COL2A1: variants seen among roughly 807,000 people sequenced by gnomAD.
The protein encoded by COL2A1 is collagen alpha-1(II) chain.
In COL2A1, 28 loss-of-function variants were observed where a neutral mutation model predicts 204.5. The ratio of observed to expected loss-of-function variants is 0.14; its 90% confidence interval spans 0.10 to 0.19. COL2A1 has a LOEUF of 0.19. Ranked by LOEUF, COL2A1 falls within the 10% of genes least tolerant of loss-of-function variation. The probability of loss-of-function intolerance (pLI) is 1.00; values close to 1 mark genes in which losing one functional copy is unlikely to be tolerated. For synonymous variants in COL2A1, 708 were observed against 718.7 expected (o/e 0.99, Z 0.24); for missense variants, 1,388 against 2,027.5 (o/e 0.68, Z 6.06).
At chr12:47,983,359 G>A (rs1484133010) in intron 31 of COL2A1, 26 bp downstream of exon 31, 3 of 1,611,892 alleles carry the variant, frequency 1.9e-6, no homozygotes, top group Middle Eastern at 1.6e-4. Flanking sequence ...TAAACAGGTT[G>A]CAGGTCCAAA....
At position 47,980,627 on chromosome 12, in the gene COL2A1, T is replaced by C; in HGVS notation, c.2552A>G (p.Gln851Arg). 1.9e-6 allele frequency: 3 copies of C among 1,612,622 alleles called. No individual in the cohort carries two copies. In the South Asian group the frequency reaches 3.3e-5, roughly 18 times the overall value. Residue 851 changes from glutamine to arginine, a missense_variant, in exon 39 of 54, where the codon CAA (glutamine) becomes CGA (arginine). Gln to Arg is a conservative substitution (Grantham distance 43). Around this residue, in one of 3 missense-constraint regions of COL2A1, gnomAD observed 884 missense variants for 1,415.8 expected, o/e 0.62. Coordinates refer to ENST00000380518, the MANE Select transcript of COL2A1 (RefSeq NM_001844.5). This position sits in a 1 kb window ranked among gnomAD's most constrained non-coding sequence, Gnocchi z 4.5. ...ADGQPGAKGE[Q>R]GEAGQKGDAG... ...ATCGCCTTTCTGGCCGGCCTCTCCT[T>C]GCTCACCCTTGGCCCCAGGCTGGCC...
intron 8 of COL2A1, among the ~76,000 whole-genome samples, chr12:47,996,315 TATATGCA>T (rs1939957174): frequency 6.6e-6 from 1 of 152,238 alleles, no homozygotes; most frequent in Non-Finnish European, 1.5e-5. Context: ...CAGATCAGCC[TATATGCA>T]TCTCCCCATC....
At chr12:47,999,441 G>A (rs558524985) in intron 2 of COL2A1, among the ~76,000 whole-genome samples, 1 of 152,194 alleles carries the variant, frequency 6.6e-6, no homozygotes, top group Non-Finnish European at 1.5e-5. Flanking sequence ...AACTCAAAGA[G>A]GGAGCCTCTG....
chr12:47,978,513 C>G lies in COL2A1; in HGVS notation c.2895+84G>C. The G allele has an allele frequency of 1.9e-6, 3 of 1,591,398 alleles. No homozygotes were observed. The highest frequency in any genetic ancestry group is 2.3e-5 in the South Asian group (2 of 88,884). On this transcript the variant is annotated intron_variant, in intron 42 of 53. Transcript: ENST00000380518. This position sits in a 1 kb window ranked among gnomAD's most constrained non-coding sequence, Gnocchi z 5.5. The stretch of plus-strand genomic sequence containing the variant: ...CTGGCATCCCCACGGCCCCTGCTCC[C>G]TCCTACCCCATGCTCTGTGAGCTCA...
Position 47,991,060 on chromosome 12 carries a change from A to T in COL2A1, c.1024-1255T>A, listed in dbSNP as rs947375918. Among the ~76,000 whole-genome samples the T allele has an allele frequency of 4.6e-5, 7 of 152,216 alleles. 1 individual carries two copies. The highest frequency in any genetic ancestry group is 1.0e-4 in the Non-Finnish European group (7 of 68,038). On this transcript the variant is annotated intron_variant, in intron 16 of 53. Coordinates refer to ENST00000380518, the MANE Select transcript of COL2A1 (RefSeq NM_001844.5). ...ACGGAGACTCTCCAGATTGGCATTTAAGAGGAAAGCAAGAGAAAACTTAGA... is the reference window on the plus strand; with the variant it reads ...ACGGAGACTCTCCAGATTGGCATTTTAGAGGAAAGCAAGAGAAAACTTAGA...
upstream of COL2A1, among the ~76,000 whole-genome samples, chr12:48,004,829 AG>A (rs1288152283): frequency 2.6e-5 from 4 of 151,438 alleles, no homozygotes; most frequent in Non-Finnish European, 5.9e-5. Context: ...GTTGGAGGGG[AG>A]GGGGTGTTTG....
rs940797288 is a variant in COL2A1, at chr12:47,987,399, G to A, written c.1222-86C>T. On this transcript the variant is annotated intron_variant, in intron 19 of 53. Coordinates refer to ENST00000380518, the MANE Select transcript of COL2A1 (RefSeq NM_001844.5). The surrounding 1 kb of genome is among the most constrained non-coding windows in gnomAD (Gnocchi z 4.1). ...TCCAGGATCCAGATCCAGGGACCTG[G>A]CATAGGTGCTGTCCATTTCAGGGAC... 2.1e-6 allele frequency: 3 copies of A among 1,423,994 alleles called. No individual in the cohort carries two copies. In the East Asian group the frequency reaches 6.9e-5, roughly 33 times the overall value. The allele number at this position is 1,423,994 out of a possible 1,614,324, so 88.2% of individuals were successfully genotyped here.
At chr12:47,992,829 C>T in intron 16 of COL2A1, 49 bp downstream of exon 16, 2 of 1,602,110 alleles carry the variant, frequency 1.2e-6, no homozygotes, top group Non-Finnish European at 1.7e-6. Flanking sequence ...AACCTGTAAA[C>T]TCTAAAGTGC....
In COL2A1 at chr12:47,997,686, T is replaced by C. The variant is rs752217760; in HGVS notation, c.451A>G (p.Arg151Gly). Residue 151 changes from arginine to glycine, a missense_variant, in exon 7 of 54, where the codon AGA (arginine) becomes GGA (glycine). Arg to Gly is a moderately radical substitution (Grantham distance 125). Coordinates refer to ENST00000380518, the MANE Select transcript of COL2A1 (RefSeq NM_001844.5). ...GEKGAPGPRG[R>G]DGEPGTPGNP... Reference sequence around the variant, plus strand: ...CCAGGGGTCCCAGGTTCTCCATCTCTGCCACGAGGTCCAGGGGCACCCTTG... The same window carrying C: ...CCAGGGGTCCCAGGTTCTCCATCTCCGCCACGAGGTCCAGGGGCACCCTTG... 2 of 1,614,044 alleles carry C rather than the reference T, an allele frequency of 1.2e-6. No homozygotes were observed. The highest frequency in any genetic ancestry group is 2.2e-5 in the South Asian group (2 of 91,084).
At chr12:47,998,851 A>G in intron 2 of COL2A1, 1 of 197,222 alleles carries the variant, frequency 5.1e-6, no homozygotes, top group Non-Finnish European at 1.0e-5. Flanking sequence ...GTCTTACATT[A>G]GAGCTGGGTC....
chr12:47,973,772 C>T (rs537551749), intron 53 of COL2A1, among the ~76,000 whole-genome samples: 5 of 152,294 alleles, frequency 3.3e-5, no homozygotes, highest in South Asian at 2.1e-4. Flanking sequence ...TGCCCTTCCC[C>T]TCCTTCCCCA....
At chr12:47,992,175 C>A (rs770714058) in intron 16 of COL2A1, among the ~76,000 whole-genome samples, 1 of 152,158 alleles carries the variant, frequency 6.6e-6, no homozygotes, top group African/African-American at 2.4e-5. Context: ...CAGAGCTAAA[C>A]GCCTCTGTCT....
In COL2A1 at chr12:47,980,796, C is replaced by G. The variant is rs1035146739; in HGVS notation, c.2517+119G>C. The G allele has an allele frequency of 1.0e-5, 14 of 1,402,440 alleles. No homozygotes were observed. The highest frequency in any genetic ancestry group is 3.7e-5 in the South Asian group (3 of 81,098). The allele number at this position is 1,402,440 out of a possible 1,614,324, so 86.9% of individuals were successfully genotyped here. A position where few individuals can be genotyped will look rare whatever the true frequency, so the allele number is the denominator to read the frequency against. On this transcript the variant is annotated intron_variant, in intron 38 of 53. Transcript: ENST00000380518. The surrounding 1 kb of genome is among the most constrained non-coding windows in gnomAD (Gnocchi z 4.5). ...CATGATGGTTCTATTAGTATGGAGG[C>G]GGGAAAGGAGAGGAGAGGAGCATCC...
chr12:47,996,747 A>G (rs1939984076), intron 7 of COL2A1, 122 bp from the exon 8 acceptor site: 2 of 842,848 alleles, frequency 2.4e-6, no homozygotes, highest in African/African-American at 1.7e-5. Context: ...TTGGAGACTA[A>G]CCTATCATTG....
In COL2A1 at chr12:47,984,915, G is replaced by A. The variant is rs1246558709; in HGVS notation, c.1833+80C>T. On this transcript the variant is annotated intron_variant, in intron 27 of 53. Transcript: ENST00000380518. Reference sequence around the variant, plus strand: ...ACTGTCCCTGGTTAAACTCTACTCAGGACCCAGCCCTTTCCCCAAGAGGGC... The same window carrying A: ...ACTGTCCCTGGTTAAACTCTACTCAAGACCCAGCCCTTTCCCCAAGAGGGC... The A allele has an allele frequency of 2.4e-6, 3 of 1,226,808 alleles. No homozygotes were observed. In the Admixed American group the frequency reaches 5.8e-5, roughly 24 times the overall value. 76.0% of individuals were successfully genotyped at this position (1,226,808 alleles called of 1,614,324 possible).
intron 16 of COL2A1, among the ~76,000 whole-genome samples, chr12:47,992,277 T>C (rs1621710): frequency 0.5 from 75,808 of 151,922 alleles, 19,276 homozygotes; most frequent in East Asian, 0.58. Flanking sequence ...TGCAAGGCAC[T>C]ATTTATCTTA....
Position 47,978,902 on chromosome 12 carries a change from C to T in COL2A1, c.2734-144G>A, listed in dbSNP as rs1311612496. 2 of 815,030 alleles carry T rather than the reference C, an allele frequency of 2.5e-6. No homozygotes were observed. Among genetic ancestry groups the T allele is most frequent in the African/African-American group, 1.7e-5 (1 of 58,704 alleles). The allele number at this position is 815,030 out of a possible 1,614,324, so 50.5% of individuals were successfully genotyped here. On this transcript the variant is annotated intron_variant, in intron 41 of 53. Transcript: ENST00000380518. This position sits in a 1 kb window ranked among gnomAD's most constrained non-coding sequence, Gnocchi z 5.5. ...CACTAAGGGCAGGCAGCTTAACCCC[C>T]CCAACCCCAATCTACCGCTGCAACC...
chr12:48,002,386 G>T (rs996575734), intron 1 of COL2A1, among the ~76,000 whole-genome samples: 9 of 152,168 alleles, frequency 5.9e-5, no homozygotes, highest in Admixed American at 5.9e-4. Flanking sequence ...CGCAGACTGC[G>T]CATTTCCCCA....
In COL2A1 at chr12:47,998,440, G is replaced by A; in HGVS notation, c.293-9C>T. 1.2e-6 allele frequency: 2 copies of A among 1,610,678 alleles called. No individual in the cohort carries two copies. Among genetic ancestry groups the A allele is most frequent in the Non-Finnish European group, 1.7e-6 (2 of 1,177,950 alleles). Reference sequence around the variant, plus strand: ...CTTTGGTCCTGGTTGCCCTGCAAGGGAAAAAATATAGAGAAGAAGAAGGTA... The same window carrying A: ...CTTTGGTCCTGGTTGCCCTGCAAGGAAAAAAATATAGAGAAGAAGAAGGTA... On this transcript the variant is annotated splice_polypyrimidine_tract_variant and intron_variant, in intron 2 of 53. Coordinates refer to ENST00000380518, the MANE Select transcript of COL2A1 (RefSeq NM_001844.5).
Sources: allele counts gnomAD v4.1 joint callset (sites outside exome capture counted in the v4.1 genomes callset), GRCh38; gene constraint gnomAD v4.1.1; regional missense constraint gnomAD v4.1.1; non-coding constraint Gnocchi (gnomAD v3.1); transcripts MANE v1.5; gene names NCBI Gene and HGNC (gene_info 2026-07-23, HGNC 2026-07-21).